PLA2R1: variants seen among roughly 807,000 people sequenced by gnomAD.
PLA2R1 encodes the protein phospholipase A2 receptor 1, also known as secretory phospholipase A2 receptor.
In PLA2R1, 158 loss-of-function variants were observed where a neutral mutation model predicts 195.9. The observed-to-expected ratio is 0.81, with a 90% CI of 0.71 to 0.92. The LOEUF (loss-of-function observed/expected upper bound fraction) is 0.92. Ranked by LOEUF, PLA2R1 falls within the 40% of genes least tolerant of loss-of-function variation. PLA2R1 has a pLI of 0.00. For missense variants in PLA2R1, 1,626 were observed against 1,764.6 expected (o/e 0.92, Z 1.41); for synonymous variants, 586 against 598.2 (o/e 0.98, Z 0.30).
intron 8 of PLA2R1, among the ~76,000 whole-genome samples, chr2:160,017,137 G>A (rs1385559737): frequency 6.6e-6 from 1 of 152,294 alleles, no homozygotes; most frequent in East Asian, 1.9e-4. Flanking sequence ...AGGTCAGCCT[G>A]GCTTTCCATT....
At chr2:160,038,567 TG>T (rs1330390447) in intron 3 of PLA2R1, among the ~76,000 whole-genome samples, 1 of 152,102 alleles carries the variant, frequency 6.6e-6, no homozygotes, top group Non-Finnish European at 1.5e-5. Flanking sequence ...GAAATAAAGA[TG>T]GGCACAGATG....
chr2:159,971,845 T>C (rs996182325), intron 17 of PLA2R1, among the ~76,000 whole-genome samples: 2 of 152,228 alleles, frequency 1.3e-5, no homozygotes, highest in African/African-American at 4.8e-5. Context: ...ATTTTTATTC[T>C]GTAAACAGCA....
At chr2:159,994,348 G>A (rs928104160) in intron 11 of PLA2R1, among the ~76,000 whole-genome samples, 1 of 152,014 alleles carries the variant, frequency 6.6e-6, no homozygotes, top group African/African-American at 2.4e-5. Context: ...TTGGGGAGGG[G>A]CAGGAAACAC....
At position 159,935,868 on chromosome 2, in the gene PLA2R1, G is replaced by T. The variant is rs1010615109; in HGVS notation, c.*5910C>A. The T allele has an allele frequency of 3.3e-5, 5 of 150,804 alleles. No homozygotes were observed. The highest frequency in any genetic ancestry group is 7.4e-5 in the Non-Finnish European group (5 of 67,850). 9.3% of individuals were successfully genotyped at this position (150,804 alleles called of 1,614,324 possible). A position where few individuals can be genotyped will look rare whatever the true frequency, so the allele number is the denominator to read the frequency against. On this transcript the variant is annotated 3_prime_UTR_variant, in exon 30 of 30. Transcript: ENST00000283243. ...CCCCCACAGAATTTTATCCTAATGA[G>T]ATATACTTTAATTTGTGAAATATTT...
chr2:160,005,030 G>C (rs1199051230), intron 11 of PLA2R1, among the ~76,000 whole-genome samples: 4 of 152,194 alleles, frequency 2.6e-5, no homozygotes, highest in Non-Finnish European at 5.9e-5. Context: ...TTAGACAGTG[G>C]GGGGTGCAGG....
chr2:159,924,738 G>C, the PLA2R1 span, among the ~76,000 whole-genome samples: 157 of 142,166 alleles, frequency 1.1e-3, 10 homozygotes, highest in East Asian at 0.03. Context: ...CTGGGGGGGG[G>C]GCGGTGCGAA....
At chr2:160,022,560 G>GT in intron 7 of PLA2R1, 105 bp downstream of exon 7, 1 of 599,330 alleles carries the variant, frequency 1.7e-6, no homozygotes, top group Admixed American at 3.0e-5. Flanking sequence ...TATGTGCAAT[G>GT]AATAACCACT....
chr2:160,042,114 G>T lies in PLA2R1; in HGVS notation c.578C>A (p.Thr193Asn), dbSNP rs1449770810. Reference protein sequence around the residue: ...QYNHQWHHECTREGREDDLLW... With the variant: ...QYNHQWHHECNREGREDDLLW... ...TAAGTCATCTTCCCGACCTTCACGGGTACATTCATGATGCCACTGATGGTT... is the reference window on the plus strand; with the variant it reads ...TAAGTCATCTTCCCGACCTTCACGGTTACATTCATGATGCCACTGATGGTT... Residue 193 changes from threonine (T) to asparagine (N), a missense_variant, in exon 3 of 30, where the codon ACC (threonine) becomes AAC (asparagine). Coordinates refer to ENST00000283243, the MANE Select transcript of PLA2R1 (RefSeq NM_007366.5). 1 of 1,613,988 alleles carries T rather than the reference G, an allele frequency of 6.2e-7. No homozygotes were observed. Among genetic ancestry groups the T allele is most frequent in the South Asian group, 1.1e-5 (1 of 91,072 alleles).
At chr2:160,013,567 TATTTA>T (rs1159617499) in intron 9 of PLA2R1, among the ~76,000 whole-genome samples, 192 bp from the exon 10 acceptor site, 3 of 152,194 alleles carry the variant, frequency 2.0e-5, no homozygotes, top group East Asian at 1.9e-4. Flanking sequence ...CTTCTACATT[TATTTA>T]ATTTATTATC....
chr2:159,942,567 T>G (rs542719310), intron 28 of PLA2R1, among the ~76,000 whole-genome samples: 1 of 152,302 alleles, frequency 6.6e-6, no homozygotes, highest in South Asian at 2.1e-4. Flanking sequence ...AACTCACAGT[T>G]TTGTTGGGAT....
rs561328053 is a variant in PLA2R1 at position 160,046,931 on chromosome 2, A to G, written c.110-1774T>C. ...TTTTTCATGCCTGGGTAGAATGTTT[A>G]CCTTAATTTCTGTTGTAACCTACTA... On this transcript the variant is annotated intron_variant, in intron 1 of 29. Coordinates refer to ENST00000283243, the MANE Select transcript of PLA2R1 (RefSeq NM_007366.5). Among the ~76,000 whole-genome samples the G allele has an allele frequency of 8.7e-4, 132 of 152,274 alleles. 2 individuals carry two copies. In the Middle Eastern group the frequency reaches 0.014, roughly 16 times the overall value.
At chr2:160,040,306 A>T (rs1694447063) in intron 3 of PLA2R1, among the ~76,000 whole-genome samples, 2 of 151,256 alleles carry the variant, frequency 1.3e-5, no homozygotes, top group Admixed American at 1.3e-4. Flanking sequence ...CCCCACCCCC[A>T]CATTGTAGCA....
intron 17 of PLA2R1, among the ~76,000 whole-genome samples, chr2:159,973,408 A>G (rs1001341290): frequency 1.4e-5 from 2 of 143,686 alleles, no homozygotes; most frequent in African/African-American, 5.2e-5. Context: ...TACATTGTTG[A>G]AATCCTAACT....
At chr2:160,006,132 T>C (rs1691966119) in intron 10 of PLA2R1, among the ~76,000 whole-genome samples, 1 of 152,158 alleles carries the variant, frequency 6.6e-6, no homozygotes, top group African/African-American at 2.4e-5. Context: ...AGCAATGCAT[T>C]TCTTGGAGTA....
chr2:160,004,749 G>T (rs1691858439), intron 11 of PLA2R1, among the ~76,000 whole-genome samples: 1 of 151,046 alleles, frequency 6.6e-6, no homozygotes, highest in Admixed American at 6.6e-5. Context: ...TTAATACAAG[G>T]GCCTGAAGCT....
At chr2:159,964,827 T>C (rs1437506090) in intron 20 of PLA2R1, among the ~76,000 whole-genome samples, 1 of 152,068 alleles carries the variant, frequency 6.6e-6, no homozygotes, top group Non-Finnish European at 1.5e-5. Context: ...GGTCAGGAGT[T>C]TGAGACCAGC....
chr2:160,060,660 A>G (rs1695889943), intron 1 of PLA2R1, among the ~76,000 whole-genome samples: 1 of 152,206 alleles, frequency 6.6e-6, no homozygotes, highest in African/African-American at 2.4e-5. Context: ...GCCCTTGACT[A>G]CTAAAAAGAA....
Position 160,044,643 on chromosome 2 carries a change from T to C in PLA2R1, c.493+131A>G. 5.5e-6 allele frequency: 4 copies of C among 721,306 alleles called. No homozygotes were observed. The South Asian group carries it at 5.6e-5, about 10-fold the overall frequency. 44.7% of individuals were successfully genotyped at this position (721,306 alleles called of 1,614,324 possible). A position where few individuals can be genotyped will look rare whatever the true frequency, so the allele number is the denominator to read the frequency against. ...ACCATAAGCAAGGAAGCAACTAAAA[T>C]GTATTTAGCAGAAGTCCCTTGAGGG... On this transcript the variant is annotated intron_variant, in intron 2 of 29. Transcript: ENST00000283243.
intron 14 of PLA2R1, 49 bp downstream of exon 14, chr2:159,979,781 G>T: frequency 9.2e-7 from 1 of 1,091,922 alleles, no homozygotes; most frequent in Non-Finnish European, 1.4e-6. Flanking sequence ...GTGGTCCCAG[G>T]CCCACTTGTT....
Sources: gnomAD v4.1 joint callset for allele counts (sites outside exome capture counted in the v4.1 genomes callset) on GRCh38, gnomAD v4.1.1 for gene constraint, MANE v1.5 for transcripts, NCBI Gene and HGNC (gene_info 2026-07-23, HGNC 2026-07-21) for gene names.